STARD6: variants seen among roughly 807,000 people sequenced by gnomAD.
STARD6 encodes stAR-related lipid transfer protein 6.
Under a neutral mutation model 22.3 loss-of-function variants are expected in STARD6, and 21 were observed. That is an observed-to-expected ratio of 0.94 (90% CI 0.67 to 1.35). The LOEUF (loss-of-function observed/expected upper bound fraction) is 1.35. STARD6 is among the 40% of genes most tolerant of loss of function. The pLI, the probability that STARD6 is intolerant of heterozygous loss-of-function variation, is 0.00. For missense variants in STARD6, 269 were observed against 266.9 expected, an observed-to-expected ratio of 1.01 and a Z score of -0.05; for synonymous variants, 80 against 88.1, an observed-to-expected ratio of 0.91 and a Z score of 0.52.
chr18:54,353,023 T>C (rs2089111783), intron 4 of STARD6, among the ~76,000 whole-genome samples: 1 of 152,180 alleles, frequency 6.6e-6, no homozygotes, highest in East Asian at 1.9e-4. Flanking sequence ...TTCAATAAGG[T>C]AGGGATTATT....
chr18:54,349,978 C>T (rs1275489884), intron 4 of STARD6, among the ~76,000 whole-genome samples: 1 of 152,024 alleles, frequency 6.6e-6, no homozygotes, highest in Non-Finnish European at 1.5e-5. Flanking sequence ...ATAATGACTT[C>T]TTTTCCTCTG....
chr18:54,336,178 T>C (rs1333087115), intron 5 of STARD6, among the ~76,000 whole-genome samples: 1 of 152,208 alleles, frequency 6.6e-6, no homozygotes, highest in Non-Finnish European at 1.5e-5. Flanking sequence ...TTATTCTCTC[T>C]CTTTATATCT....
chr18:54,353,232 G>A (rs910527834), intron 4 of STARD6, among the ~76,000 whole-genome samples: 2 of 152,164 alleles, frequency 1.3e-5, no homozygotes, highest in Non-Finnish European at 2.9e-5. Flanking sequence ...TGGCCCTGAT[G>A]TACTATCATG....
intron 4 of STARD6, among the ~76,000 whole-genome samples, chr18:54,340,002 A>C (rs1056190291): frequency 1.3e-5 from 2 of 152,190 alleles, no homozygotes; most frequent in Admixed American, 1.3e-4. Flanking sequence ...GCAGATAGTA[A>C]CTCAAATCCA....
intron 4 of STARD6, among the ~76,000 whole-genome samples, chr18:54,352,401 C>T (rs2089106357): frequency 6.6e-6 from 1 of 152,086 alleles, no homozygotes; most frequent in African/African-American, 2.4e-5. Context: ...AGCCTGTGGT[C>T]CCAGCTACTT....
intron 5 of STARD6, among the ~76,000 whole-genome samples, chr18:54,333,645 C>A (rs1300825467): frequency 2.6e-5 from 4 of 152,110 alleles, no homozygotes; most frequent in African/African-American, 9.7e-5. Context: ...AACTGATTTA[C>A]AAGATGAAGA....
At chr18:54,333,333 C>T (rs909110323) in intron 5 of STARD6, among the ~76,000 whole-genome samples, 5 of 152,064 alleles carry the variant, frequency 3.3e-5, no homozygotes, top group Admixed American at 1.3e-4. Context: ...CCTGTAGTCC[C>T]AGCTACTTGG....
intron 5 of STARD6, among the ~76,000 whole-genome samples, chr18:54,336,014 G>A (rs2088908366): frequency 6.6e-6 from 1 of 152,112 alleles, no homozygotes; most frequent in Non-Finnish European, 1.5e-5. Context: ...CATTATTCCT[G>A]TCATTTCATT....
chr18:54,354,234 C>T (rs2089123287), intron 3 of STARD6, 131 bp from the exon 4 acceptor site: 2 of 637,620 alleles, frequency 3.1e-6, no homozygotes, highest in South Asian at 4.8e-5. Flanking sequence ...ATATATTTTT[C>T]AGAGACAGGG....
intron 4 of STARD6, among the ~76,000 whole-genome samples, chr18:54,339,586 T>C (rs2088951698): frequency 6.6e-6 from 1 of 151,626 alleles, no homozygotes; most frequent in South Asian, 2.1e-4. Flanking sequence ...TTTGAAGAGC[T>C]GAAGAAAAAA....
intron 6 of STARD6, among the ~76,000 whole-genome samples, chr18:54,330,840 T>C (rs2088859345): frequency 6.6e-6 from 1 of 152,138 alleles, no homozygotes; most frequent in African/African-American, 2.4e-5. Context: ...CAAACTATTT[T>C]ATGTTGTAGG....
At chr18:54,344,436 CG>C (rs1309351050) in intron 4 of STARD6, among the ~76,000 whole-genome samples, 3 of 85,218 alleles carry the variant, frequency 3.5e-5, no homozygotes, top group African/African-American at 1.5e-4. Context: ...ACAAACACTG[CG>C]GAAGGCCGCA....
At chr18:54,341,006 G>A (rs1449828505) in intron 4 of STARD6, among the ~76,000 whole-genome samples, 1 of 152,152 alleles carries the variant, frequency 6.6e-6, no homozygotes, top group African/African-American at 2.4e-5. Flanking sequence ...GACATATCTC[G>A]AGGGAGAAAT....
At chr18:54,326,286 G>A (rs1213816553) in intron 7 of STARD6, among the ~76,000 whole-genome samples, 5 of 147,778 alleles carry the variant, frequency 3.4e-5, no homozygotes, top group African/African-American at 9.9e-5. Flanking sequence ...TTTTTTTTCA[G>A]TAAAACTTAA....
rs768890039 is a variant in STARD6, at chr18:54,354,506, C to A, written c.68G>T (p.Gly23Val). 6 of 1,613,206 alleles carry A rather than the reference C, an allele frequency of 3.7e-6. No individual in the cohort carries two copies. The highest frequency in any genetic ancestry group is 5.1e-6 in the Non-Finnish European group (6 of 1,179,692). Reference sequence around the variant, plus strand: ...TACTGAAGTTTTAACCACTTTCCAGCCTGATGTATCTCGATTATAACCTAA... The same window carrying A: ...TACTGAAGTTTTAACCACTTTCCAGACTGATGTATCTCGATTATAACCTAA... The part of the protein sequence containing the change: ...EVLGYNRDTS[G>V]WKVVKTSKKI... Residue 23 changes from glycine (G) to valine (V), a missense_variant, in exon 3 of 8, where the codon GGC becomes GTC. Gly to Val is a moderately radical substitution (Grantham distance 109, BLOSUM62 -3). Coordinates refer to ENST00000307844, the MANE Select transcript of STARD6 (RefSeq NM_139171.2).
intron 7 of STARD6, 95 bp from the exon 8 acceptor site, chr18:54,324,970 C>T (rs1329214753): frequency 3.4e-5 from 33 of 968,550 alleles, no homozygotes; most frequent in Non-Finnish European, 4.4e-5. Flanking sequence ...TTATCTTATT[C>T]ACCGTTGACA....
chr18:54,327,253 T>A (rs1321365689), intron 7 of STARD6, among the ~76,000 whole-genome samples: 1 of 152,218 alleles, frequency 6.6e-6, no homozygotes, highest in African/African-American at 2.4e-5. Context: ...TTAATTTTGA[T>A]CAATATATAA....
chr18:54,348,720 T>C (rs1023078089), intron 4 of STARD6, among the ~76,000 whole-genome samples: 5 of 152,102 alleles, frequency 3.3e-5, no homozygotes, highest in African/African-American at 1.2e-4. Flanking sequence ...CTGAGAGAAA[T>C]GTGTAGACCT....
At chr18:54,325,021 A>C in intron 7 of STARD6, 146 bp from the exon 8 acceptor site, 1 of 587,888 alleles carries the variant, frequency 1.7e-6, no homozygotes, top group Non-Finnish European at 2.5e-6. Context: ...TGGCTAGAAT[A>C]TTTCTTAAAA....
Sources: allele counts gnomAD v4.1 joint callset (sites outside exome capture counted in the v4.1 genomes callset), GRCh38; gene constraint gnomAD v4.1.1; transcripts MANE v1.5; gene names NCBI Gene and HGNC (gene_info 2026-07-23, HGNC 2026-07-21).